VPS13B: variants seen among roughly 807,000 people sequenced by gnomAD.
The protein encoded by VPS13B is vacuolar protein sorting 13 homolog B, also known as intermembrane lipid transfer protein VPS13B.
VPS13B carries 285 observed loss-of-function variants against 426.4 expected under a neutral mutation model. That is an observed-to-expected ratio of 0.67 (90% confidence interval 0.61 to 0.74). The LOEUF (loss-of-function observed/expected upper bound fraction) is 0.74. Among genes scored for constraint, VPS13B ranks in the 30% least tolerant of loss-of-function variants. The pLI is 0.00. For missense variants in VPS13B, 4,537 were observed against 4,782.6 expected (o/e 0.95, Z 1.51); for synonymous variants, 1,676 against 1,676.4 (o/e 1.00, Z 0.01).
chr8:99,367,066 T>A (rs1453037593), intron 19 of VPS13B, among the ~76,000 whole-genome samples: 8 of 152,192 alleles, frequency 5.3e-5, no homozygotes, highest in South Asian at 2.1e-4. Flanking sequence ...GTATTCTGTG[T>A]TTTTTCTGTG....
intron 30 of VPS13B, among the ~76,000 whole-genome samples, chr8:99,553,963 G>A (rs1249466166): frequency 6.6e-6 from 1 of 151,880 alleles, no homozygotes; most frequent in African/African-American, 2.4e-5. Flanking sequence ...TTTTTGCATA[G>A]GGAAGAAGAA....
At position 99,217,138 on chromosome 8, in the gene VPS13B, A is replaced by G. The variant is rs73699974; in HGVS notation, c.2515+24081A>G. The stretch of plus-strand genomic sequence containing the variant: ...ATTATGTAAGTAAATGATCAAAACA[A>G]CTGTAACAGATCATGTTCATGTTTA... On this transcript the variant is annotated intron_variant, in intron 17 of 61. Transcript: ENST00000357162. Among the ~76,000 whole-genome samples the G allele has an allele frequency of 1.9e-3, 294 of 152,296 alleles. 1 individual carries two copies. The highest frequency in any genetic ancestry group is 6.9e-3 in the African/African-American group (286 of 41,562).
intron 43 of VPS13B, among the ~76,000 whole-genome samples, chr8:99,808,166 T>A (rs994234261): frequency 4.6e-5 from 7 of 152,212 alleles, no homozygotes; most frequent in African/African-American, 1.7e-4. Flanking sequence ...TAAAAAATTA[T>A]ATGTGATATG....
At chr8:99,026,130 C>A (rs1290899381) in intron 2 of VPS13B, among the ~76,000 whole-genome samples, 1 of 152,106 alleles carries the variant, frequency 6.6e-6, no homozygotes, top group African/African-American at 2.4e-5. Flanking sequence ...CTTGATACAA[C>A]TGTTTAATGC....
In VPS13B at chr8:99,832,658, T is replaced by G. The variant is rs199519078; in HGVS notation, c.9614+6T>G. 8 of 1,613,076 alleles carry G rather than the reference T, an allele frequency of 5.0e-6. No individual in the cohort carries two copies. The highest frequency in any genetic ancestry group is 5.9e-6 in the Non-Finnish European group (7 of 1,179,908). On this transcript the variant is annotated splice_donor_region_variant and intron_variant, in intron 52 of 61. Transcript: ENST00000357162. ...GAAAATGGATTCTGTACCAGGTATT[T>G]TATGTTTATATAAATGTCTGTTCTT...
Position 99,875,786 on chromosome 8 carries a change from C to G in VPS13B, c.*120C>G. The G allele has an allele frequency of 7.5e-7, 1 of 1,340,460 alleles. No individual in the cohort carries two copies. Among genetic ancestry groups the G allele is most frequent in the Non-Finnish European group, 1.0e-6 (1 of 957,548 alleles). The allele number at this position is 1,340,460 out of a possible 1,614,324, so 83.0% of individuals were successfully genotyped here. On this transcript the variant is annotated 3_prime_UTR_variant, in exon 62 of 62. Coordinates refer to ENST00000357162, the MANE Select transcript of VPS13B (RefSeq NM_152564.5). ...TCTGGGGTTCAAGCAATCCTCCCACCTCAACCCACAAGTAGCTACGACTGC... is the reference window on the plus strand; with the variant it reads ...TCTGGGGTTCAAGCAATCCTCCCACGTCAACCCACAAGTAGCTACGACTGC...
intron 4 of VPS13B, among the ~76,000 whole-genome samples, chr8:99,101,218 G>A (rs373925484): frequency 1.6e-3 from 238 of 152,158 alleles, no homozygotes; most frequent in African/African-American, 5.3e-3. Context: ...TGCAAGCTCC[G>A]CCTCCTGGGT....
intron 29 of VPS13B, among the ~76,000 whole-genome samples, chr8:99,517,857 T>C (rs1320752929): frequency 1.3e-5 from 2 of 151,982 alleles, no homozygotes; most frequent in African/African-American, 4.8e-5. Context: ...GATTTTTTTT[T>C]GCGGTGATAA....
At chr8:99,569,648 T>C (rs1033391030) in intron 31 of VPS13B, among the ~76,000 whole-genome samples, 1 of 152,214 alleles carries the variant, frequency 6.6e-6, no homozygotes, top group African/African-American at 2.4e-5. Context: ...GTATGACAGA[T>C]GGGCAGAAGA....
intron 35 of VPS13B, chr8:99,697,102 A>C: frequency 1.9e-6 from 1 of 528,008 alleles, no homozygotes; most frequent in Non-Finnish European, 3.5e-6. Flanking sequence ...TGTACCTCCC[A>C]GAAACTCTTG....
intron 19 of VPS13B, among the ~76,000 whole-genome samples, chr8:99,325,291 T>C (rs1249072175): frequency 6.6e-6 from 1 of 152,200 alleles, no homozygotes; most frequent in African/African-American, 2.4e-5. Context: ...TATTTCCGCT[T>C]ACCCTGCTTT....
chr8:99,745,975 G>A (rs980190614), intron 39 of VPS13B, among the ~76,000 whole-genome samples: 12 of 151,890 alleles, frequency 7.9e-5, no homozygotes, highest in African/African-American at 2.7e-4. Flanking sequence ...TAAGGATCCC[G>A]CTGAGGTCCA....
intron 19 of VPS13B, among the ~76,000 whole-genome samples, chr8:99,344,124 G>C (rs1354098384): frequency 6.6e-6 from 1 of 152,072 alleles, no homozygotes; most frequent in African/African-American, 2.4e-5. Flanking sequence ...TTGATCAATG[G>C]AACAAGTTAG....
intron 21 of VPS13B, among the ~76,000 whole-genome samples, chr8:99,416,262 GC>G (rs1017232944): frequency 4.6e-5 from 7 of 151,888 alleles, no homozygotes; most frequent in African/African-American, 1.7e-4. Context: ...GGATGCCCCC[GC>G]CCCCCCACCA....
chr8:99,210,237 T>C (rs376939099), intron 17 of VPS13B, among the ~76,000 whole-genome samples: 1 of 152,170 alleles, frequency 6.6e-6, no homozygotes, highest in Admixed American at 6.5e-5. Flanking sequence ...TTTCCTACAC[T>C]ATAAAGGAAA....
At chr8:99,845,638 C>T (rs1447486658) in intron 54 of VPS13B, among the ~76,000 whole-genome samples, 1 of 152,168 alleles carries the variant, frequency 6.6e-6, no homozygotes, top group African/African-American at 2.4e-5. Flanking sequence ...TGAAGAAAGT[C>T]GCATAGCCAC....
chr8:99,052,823 A>G (rs973670045), intron 3 of VPS13B, among the ~76,000 whole-genome samples: 14 of 152,158 alleles, frequency 9.2e-5, no homozygotes, highest in African/African-American at 2.6e-4. Context: ...TTGCATAGAG[A>G]TGTTTGTAGT....
chr8:99,070,237 C>T (rs543046099), intron 3 of VPS13B, among the ~76,000 whole-genome samples: 10 of 152,108 alleles, frequency 6.6e-5, no homozygotes, highest in South Asian at 6.2e-4. Flanking sequence ...TTTAGTTCTT[C>T]GATTATCTTA....
At chr8:99,338,260 A>G (rs1161893565) in intron 19 of VPS13B, among the ~76,000 whole-genome samples, 1 of 152,068 alleles carries the variant, frequency 6.6e-6, no homozygotes, top group East Asian at 1.9e-4. Flanking sequence ...TTGGGATTTC[A>G]TTGAATTTGT....
Sources: gnomAD v4.1 joint callset for allele counts (sites outside exome capture counted in the v4.1 genomes callset) on GRCh38, gnomAD v4.1.1 for gene constraint, MANE v1.5 for transcripts, NCBI Gene and HGNC (gene_info 2026-07-23, HGNC 2026-07-21) for gene names.